The following PLA2G4A variants were observed in gnomAD, a reference collection of about 807,000 sequenced individuals.
PLA2G4A encodes cytosolic phospholipase A2.
Under a neutral mutation model 81.9 loss-of-function variants are expected in PLA2G4A, and 40 were observed. The ratio of observed to expected loss-of-function variants is 0.49; its 90% CI spans 0.38 to 0.64. The LOEUF (loss-of-function observed/expected upper bound fraction) is 0.64. Among genes scored for constraint, PLA2G4A ranks in the 30% least tolerant of loss-of-function variants. The pLI is 0.00. For missense variants in PLA2G4A, 715 were observed against 905.1 expected, an observed-to-expected ratio of 0.79 and a Z score of 2.69; for synonymous variants, 302 against 296.9, an observed-to-expected ratio of 1.02 and a Z score of -0.18.
In PLA2G4A at chr1:186,949,967, A is replaced by G. The variant is rs12720636; in HGVS notation, c.1265-690A>G. On this transcript the variant is annotated intron_variant, in intron 12 of 17. Transcript: ENST00000367466. ...GGAACGGTTGCTTGAGCCCAGAGGC[A>G]GAGGTTGAAATGAGCAGAGATCATG... Among the ~76,000 whole-genome samples the G allele has an allele frequency of 5.1e-3, 772 of 152,310 alleles. 4 individuals carry two copies. The highest frequency in any genetic ancestry group is 7.9e-3 in the Non-Finnish European group (539 of 68,018).
chr1:186,879,956 A>G (rs1276621960), intron 3 of PLA2G4A, among the ~76,000 whole-genome samples: 1 of 151,882 alleles, frequency 6.6e-6, no homozygotes, highest in Non-Finnish European at 1.5e-5. Flanking sequence ...CGTCATTTAC[A>G]TTAGGTATAT....
chr1:186,867,768 T>C (rs1186152203), intron 2 of PLA2G4A, among the ~76,000 whole-genome samples: 2 of 152,194 alleles, frequency 1.3e-5, no homozygotes, highest in East Asian at 3.8e-4. Context: ...CTCCTTGCCT[T>C]GCTCCTGATC....
At chr1:186,957,429 G>A (rs1656793671) in intron 14 of PLA2G4A, among the ~76,000 whole-genome samples, 2 of 152,198 alleles carry the variant, frequency 1.3e-5, no homozygotes. Context: ...CAAATGTGTT[G>A]GCAACTGTGC....
rs1050048433 is a variant in PLA2G4A, at chr1:186,939,500, A to AC, written c.918+270_918+271insC. On this transcript the variant is annotated intron_variant, in intron 9 of 17. Transcript: ENST00000367466. ...TGTATTCCTTTTCTCTGGAAAAAAA[A>AC]AAAAAAAAAAAAATTCACATTTTAA... 4.2e-3 allele frequency among the ~76,000 whole-genome samples: 332 copies of AC among 79,802 alleles called. 1 individual carries two copies. The highest frequency in any genetic ancestry group is 0.026 in the African/African-American group (322 of 12,626). 52.4% of individuals were successfully genotyped at this position (79,802 alleles called of 152,430 possible).
intron 10 of PLA2G4A, among the ~76,000 whole-genome samples, 189 bp downstream of exon 10, chr1:186,940,283 A>C (rs1656102157): frequency 6.6e-6 from 1 of 152,206 alleles, no homozygotes; most frequent in African/African-American, 2.4e-5. Context: ...TATTCCATGA[A>C]ACTAGTAACT....
intron 7 of PLA2G4A, among the ~76,000 whole-genome samples, chr1:186,914,093 TTG>T: frequency 1.0e-5 from 1 of 100,292 alleles, no homozygotes; most frequent in East Asian, 2.8e-4. Context: ...TTTTGTTTTT[TTG>T]TGTTTTTTTT....
chr1:186,935,459 A>T (rs997294229), intron 8 of PLA2G4A, among the ~76,000 whole-genome samples: 1 of 150,238 alleles, frequency 6.7e-6, no homozygotes, highest in East Asian at 2.0e-4. Flanking sequence ...TAGATGTCTG[A>T]GATGTAGGAA....
intron 2 of PLA2G4A, among the ~76,000 whole-genome samples, chr1:186,861,458 A>G (rs1652796416): frequency 6.6e-6 from 1 of 152,036 alleles, no homozygotes; most frequent in South Asian, 2.1e-4. Flanking sequence ...TTTCCTATCT[A>G]GTTAGTTCTT....
chr1:186,874,866 G>A (rs1381057458), intron 3 of PLA2G4A, among the ~76,000 whole-genome samples: 1 of 151,980 alleles, frequency 6.6e-6, no homozygotes, highest in African/African-American at 2.4e-5. Context: ...TATTCAAAAA[G>A]TCTGTGCCTG....
intron 1 of PLA2G4A, among the ~76,000 whole-genome samples, chr1:186,837,454 G>T (rs933711557): frequency 3.3e-5 from 5 of 151,954 alleles, no homozygotes; most frequent in Non-Finnish European, 5.9e-5. Context: ...TTTGGGCCAG[G>T]CTCAGTGGCT....
At chr1:186,860,958 T>C (rs1360275083) in intron 2 of PLA2G4A, among the ~76,000 whole-genome samples, 1 of 152,222 alleles carries the variant, frequency 6.6e-6, no homozygotes, top group Non-Finnish European at 1.5e-5. Context: ...AGCTGATTAA[T>C]GGATGGGTTT....
intron 17 of PLA2G4A, among the ~76,000 whole-genome samples, chr1:186,984,775 T>C (rs1489155566): frequency 1.3e-5 from 2 of 152,234 alleles, no homozygotes; most frequent in African/African-American, 4.8e-5. Context: ...TACATATTTA[T>C]TGTTTAGTGT....
At position 186,962,597 on chromosome 1, in the gene PLA2G4A, C is replaced by CT. The variant is rs888114230; in HGVS notation, c.1580-2811dup. ...AGTGCAGCGGCGCGATCTCGGCTCTCTGCAAGCTCCGTCTCCCGAGTTCAC... is the reference window on the plus strand; with the variant it reads ...AGTGCAGCGGCGCGATCTCGGCTCTCTTGCAAGCTCCGTCTCCCGAGTTCAC... On this transcript the variant is annotated intron_variant, in intron 14 of 17. Coordinates refer to ENST00000367466, the MANE Select transcript of PLA2G4A (RefSeq NM_024420.3). Among the ~76,000 whole-genome samples the CT allele has an allele frequency of 9.2e-5, 14 of 151,988 alleles. 1 individual carries two copies. Among genetic ancestry groups the CT allele is most frequent in the African/African-American group, 2.9e-4 (12 of 41,388 alleles).
At chr1:186,830,945 GCTTGCTTGCTTGCTTTCTTTCTTTCTTT>G (rs1425156165) in intron 1 of PLA2G4A, among the ~76,000 whole-genome samples, 199 of 40,376 alleles carry the variant, frequency 4.9e-3, no homozygotes, top group East Asian at 0.02. Context: ...TAGCTTGCTT[GCTTGCTTGCTTGCTTTCTTTCTTTCTTT>G]CTTTCTTTCT....
At chr1:186,902,126 T>G (rs1350668279) in intron 5 of PLA2G4A, among the ~76,000 whole-genome samples, 1 of 152,200 alleles carries the variant, frequency 6.6e-6, no homozygotes, top group Non-Finnish European at 1.5e-5. Context: ...GTTACTGCAC[T>G]GAATACAATA....
At chr1:186,916,690 G>A (rs1655150104) in intron 7 of PLA2G4A, among the ~76,000 whole-genome samples, 1 of 152,130 alleles carries the variant, frequency 6.6e-6, no homozygotes, top group Non-Finnish European at 1.5e-5. Flanking sequence ...CATCTGGTCT[G>A]TCGTTTCCTG....
intron 5 of PLA2G4A, 134 bp downstream of exon 5, chr1:186,894,345 GT>G: frequency 1.6e-6 from 1 of 638,350 alleles, no homozygotes. Flanking sequence ...AGAAAATTTT[GT>G]TTTTCTTTTT....
intron 13 of PLA2G4A, among the ~76,000 whole-genome samples, chr1:186,954,521 T>C (rs1656674232): frequency 6.6e-6 from 1 of 152,144 alleles, no homozygotes; most frequent in African/African-American, 2.4e-5. Context: ...CAAACCAACA[T>C]GACACATGTA....
At chr1:186,987,343 G>T (rs1657923110) in intron 17 of PLA2G4A, among the ~76,000 whole-genome samples, 1 of 152,372 alleles carries the variant, frequency 6.6e-6, no homozygotes, top group South Asian at 2.1e-4. Context: ...GATCAGACTT[G>T]CCAAGTATTC....
Sources: gnomAD v4.1 joint callset for allele counts (sites outside exome capture counted in the v4.1 genomes callset) on GRCh38, gnomAD v4.1.1 for gene constraint, MANE v1.5 for transcripts, NCBI Gene and HGNC (gene_info 2026-07-23, HGNC 2026-07-21) for gene names.